ZDHHC14: variants seen among roughly 807,000 people sequenced by gnomAD.
ZDHHC14 encodes palmitoyltransferase ZDHHC14.
ZDHHC14 carries 16 observed loss-of-function variants against 47.7 expected under a neutral mutation model. That is an observed-to-expected ratio of 0.34 (90% CI 0.23 to 0.51). The LOEUF (loss-of-function observed/expected upper bound fraction) is 0.51, where lower values mean the gene tolerates loss of function less well. Ranked by LOEUF, ZDHHC14 falls within the 20% of genes least tolerant of loss-of-function variation. ZDHHC14 has a pLI of 0.97. For synonymous variants in ZDHHC14, 293 were observed against 278.9 expected (o/e 1.05, Z -0.50); for missense variants, 515 against 662.5 (o/e 0.78, Z 2.44).
rs929189710 is a variant in ZDHHC14, at chr6:157,507,540, C to T, written c.246-35045C>T. ...CAAGTGATCTGCCCACCTTGGCCTC[C>T]GAAAGTGCTGGAATTTCAGACGTGA... On this transcript the variant is annotated intron_variant, in intron 1 of 8. Transcript: ENST00000359775. 2.0e-5 allele frequency among the ~76,000 whole-genome samples: 3 copies of T among 152,124 alleles called. No individual in the cohort carries two copies. The East Asian group carries it at 5.8e-4, about 29-fold the overall frequency.
intron 1 of ZDHHC14, among the ~76,000 whole-genome samples, chr6:157,464,814 G>A: frequency 6.6e-6 from 1 of 152,164 alleles, no homozygotes; most frequent in Non-Finnish European, 1.5e-5. Flanking sequence ...CCTGATCCTG[G>A]CTGCCAGGGC....
At chr6:157,473,249 T>C (rs1583679797) in intron 1 of ZDHHC14, among the ~76,000 whole-genome samples, 2 of 152,360 alleles carry the variant, frequency 1.3e-5, no homozygotes, top group South Asian at 2.1e-4. Context: ...TGATGTACAA[T>C]AGAGCTGTTG....
rs913897030 is a variant in ZDHHC14, at chr6:157,568,440, AT to A, written c.407-24540del. On this transcript the variant is annotated intron_variant, in intron 2 of 8. Coordinates refer to ENST00000359775, the MANE Select transcript of ZDHHC14 (RefSeq NM_024630.3). ...TTGTACATTACTATTTTGAAGGCAG[AT>A]TTTTTTTCCTCTTAATATACTTGAA... 2.0e-3 allele frequency among the ~76,000 whole-genome samples: 274 copies of A among 138,330 alleles called. 1 individual carries two copies. Among genetic ancestry groups the A allele is most frequent in the Non-Finnish European group, 3.5e-3 (230 of 65,176 alleles). The allele number at this position is 138,330 out of a possible 152,430, so 90.7% of individuals were successfully genotyped here.
At chr6:157,626,215 A>T (rs1195495997) in intron 3 of ZDHHC14, among the ~76,000 whole-genome samples, 1 of 152,140 alleles carries the variant, frequency 6.6e-6, no homozygotes, top group Non-Finnish European at 1.5e-5. Context: ...GAGAGGCTCA[A>T]ACCCACCGCA....
chr6:157,518,602 G>A (rs542310714), intron 1 of ZDHHC14, among the ~76,000 whole-genome samples: 7 of 152,170 alleles, frequency 4.6e-5, no homozygotes, highest in African/African-American at 1.7e-4. Flanking sequence ...TGCACCAGCG[G>A]ATGGGGCTCA....
At chr6:157,417,757 G>A (rs1778011681) in intron 1 of ZDHHC14, among the ~76,000 whole-genome samples, 1 of 152,140 alleles carries the variant, frequency 6.6e-6, no homozygotes, top group Admixed American at 6.5e-5. Context: ...GAGGCGGGCG[G>A]ATCACGCTAA....
chr6:157,421,287 C>G (rs1415834851), intron 1 of ZDHHC14, among the ~76,000 whole-genome samples: 1 of 151,564 alleles, frequency 6.6e-6, no homozygotes, highest in Non-Finnish European at 1.5e-5. Flanking sequence ...ATCACGAGGT[C>G]AGGAGATCGA....
At chr6:157,497,563 G>A (rs1446369641) in intron 1 of ZDHHC14, among the ~76,000 whole-genome samples, 2 of 152,162 alleles carry the variant, frequency 1.3e-5, no homozygotes, top group African/African-American at 4.8e-5. Context: ...AGGCTCTGAT[G>A]GGCCCATGGC....
rs1777219453 is a variant in ZDHHC14 at position 157,381,934 on chromosome 6, G to A, written c.-88G>A. The A allele has an allele frequency of 6.2e-6, 6 of 973,990 alleles. No individual in the cohort carries two copies. The highest frequency in any genetic ancestry group is 7.3e-6 in the Non-Finnish European group (6 of 822,758). The allele number at this position is 973,990 out of a possible 1,614,324, so 60.3% of individuals were successfully genotyped here. On this transcript the variant is annotated 5_prime_UTR_variant, in exon 1 of 9. Transcript: ENST00000359775. ...CGGCGCCGCGGCTCGGGGGGCGGCCGGGCGGCCGGCGGCGGTCGTGGCTCG... is the reference window on the plus strand; with the variant it reads ...CGGCGCCGCGGCTCGGGGGGCGGCCAGGCGGCCGGCGGCGGTCGTGGCTCG...
chr6:157,561,571 C>A (rs1449074199), intron 2 of ZDHHC14, among the ~76,000 whole-genome samples: 2 of 152,206 alleles, frequency 1.3e-5, no homozygotes, highest in African/African-American at 4.8e-5. Context: ...AAAGCAGCCA[C>A]CCTCAGTTTA....
Position 157,381,258 on chromosome 6 carries a change from G to T in ZDHHC14, c.-764G>T, listed in dbSNP as rs1777202920. On this transcript the variant is annotated 5_prime_UTR_variant, in exon 1 of 9. Transcript: ENST00000359775. ...CTCGCGCCGGGGCCGCTTCCTCCGGGTAGGAGGGAGCAAGGGAGCCCTCGC... is the reference window on the plus strand; with the variant it reads ...CTCGCGCCGGGGCCGCTTCCTCCGGTTAGGAGGGAGCAAGGGAGCCCTCGC... 1 of 148,956 alleles carries T rather than the reference G, an allele frequency of 6.7e-6. No homozygotes were observed. Among genetic ancestry groups the T allele is most frequent in the Non-Finnish European group, 1.5e-5 (1 of 67,512 alleles). 9.2% of individuals were successfully genotyped at this position (148,956 alleles called of 1,614,324 possible). A position where few individuals can be genotyped will look rare whatever the true frequency, so the allele number is the denominator to read the frequency against.
Position 157,586,221 on chromosome 6 carries a change from G to C in ZDHHC14, c.407-6767G>C, listed in dbSNP as rs887670034. On this transcript the variant is annotated intron_variant, in intron 2 of 8. Coordinates refer to ENST00000359775, the MANE Select transcript of ZDHHC14 (RefSeq NM_024630.3). The surrounding 1 kb of genome is among the most constrained non-coding windows in gnomAD (Gnocchi z 4.6). ...TGGCCCCCAGTAGAAGCACAATACA[G>C]ATCTAGTGGCTGGATAAATAAAACA... Among the ~76,000 whole-genome samples the C allele has an allele frequency of 6.6e-6, 1 of 152,114 alleles. No homozygotes were observed. The highest frequency in any genetic ancestry group is 2.4e-5 in the African/African-American group (1 of 41,416).
At chr6:157,672,565 A>G (rs1778844010) in intron 8 of ZDHHC14, among the ~76,000 whole-genome samples, 159 bp from the exon 9 acceptor site, 2 of 152,084 alleles carry the variant, frequency 1.3e-5, no homozygotes, top group South Asian at 4.1e-4. Context: ...CACCTGGACC[A>G]CTGTAGGCGC....
At chr6:157,596,793 C>T (rs1437284564) in intron 3 of ZDHHC14, among the ~76,000 whole-genome samples, 2 of 152,148 alleles carry the variant, frequency 1.3e-5, no homozygotes, top group African/African-American at 2.4e-5. Flanking sequence ...GACAGACCTG[C>T]GGCACACTGA....
intron 1 of ZDHHC14, among the ~76,000 whole-genome samples, chr6:157,481,193 A>C (rs1395443418): frequency 1.3e-5 from 2 of 152,124 alleles, no homozygotes; most frequent in African/African-American, 4.8e-5. Flanking sequence ...ACATGGAGAG[A>C]TCATTGATAT....
At chr6:157,414,234 T>C (rs1777928315) in intron 1 of ZDHHC14, among the ~76,000 whole-genome samples, 1 of 152,200 alleles carries the variant, frequency 6.6e-6, no homozygotes, top group Non-Finnish European at 1.5e-5. Flanking sequence ...GAGAGAGCAC[T>C]GGGTTCTTGT....
At position 157,381,977 on chromosome 6, in the gene ZDHHC14, G is replaced by T. The variant is rs1777220684; in HGVS notation, c.-45G>T. 11 of 1,117,422 alleles carry T rather than the reference G, an allele frequency of 9.8e-6. No individual in the cohort carries two copies. Among genetic ancestry groups the T allele is most frequent in the Non-Finnish European group, 1.2e-5 (11 of 911,858 alleles). The allele number at this position is 1,117,422 out of a possible 1,614,324, so 69.2% of individuals were successfully genotyped here. A position where few individuals can be genotyped will look rare whatever the true frequency, so the allele number is the denominator to read the frequency against. On this transcript the variant is annotated 5_prime_UTR_variant, in exon 1 of 9. Transcript: ENST00000359775. ...GTGGCTCGGCGGGGCCCGCGCGGCC[G>T]GGGGGCTCCTGGGGGTGTGCGCCCC...
intron 3 of ZDHHC14, among the ~76,000 whole-genome samples, chr6:157,616,609 G>A (rs1784973276): frequency 6.6e-6 from 1 of 152,152 alleles, no homozygotes; most frequent in African/African-American, 2.4e-5. Context: ...TGACCTGAGT[G>A]TGTACCGTAG....
intron 4 of ZDHHC14, among the ~76,000 whole-genome samples, chr6:157,628,902 C>T (rs1644010962): frequency 6.6e-6 from 1 of 152,186 alleles, no homozygotes; most frequent in South Asian, 2.1e-4. Flanking sequence ...GCAGAGTTTT[C>T]TTCCTTAATG....
Sources: gnomAD v4.1 joint callset for allele counts (sites outside exome capture counted in the v4.1 genomes callset) on GRCh38, gnomAD v4.1.1 for gene constraint, Gnocchi (gnomAD v3.1) non-coding constraint, MANE v1.5 for transcripts, NCBI Gene and HGNC (gene_info 2026-07-23, HGNC 2026-07-21) for gene names.